Variants in GRID2 observed in about 807,000 individuals in gnomAD.
GRID2 encodes glutamate receptor ionotropic, delta-2.
Under a neutral mutation model 114.8 loss-of-function variants are expected in GRID2, and 33 were observed. The observed-to-expected ratio is 0.29, with a 90% CI of 0.22 to 0.38. The LOEUF (loss-of-function observed/expected upper bound fraction) is 0.38. Among genes scored for constraint, GRID2 ranks in the 10% least tolerant of loss-of-function variants. The probability of loss-of-function intolerance (pLI) is 1.00; values close to 1 mark genes in which losing one functional copy is unlikely to be tolerated. For synonymous variants in GRID2, 505 were observed against 449.9 expected (o/e 1.12, Z -1.55); for missense variants, 1,184 against 1,257.7 (o/e 0.94, Z 0.89).
intron 2 of GRID2, among the ~76,000 whole-genome samples, chr4:92,592,232 A>T (rs538231302): frequency 6.6e-6 from 1 of 152,164 alleles, no homozygotes; most frequent in East Asian, 1.9e-4. Context: ...GTGAGGACTG[A>T]TTTCTTTCTT....
Position 92,510,006 on chromosome 4 carries a change from A to T in GRID2, c.89-80125A>T, listed in dbSNP as rs148533161. On this transcript the variant is annotated intron_variant, in intron 1 of 15. Transcript: ENST00000282020. ...CAGCAGGCTAATGTCATATTCTGAC[A>T]TATACTTTCACAGAATTCCTCTGGA... Among the ~76,000 whole-genome samples the T allele has an allele frequency of 1.8e-3, 268 of 152,076 alleles. 1 individual carries two copies. The highest frequency in any genetic ancestry group is 2.0e-3 in the Non-Finnish European group (134 of 67,934).
chr4:93,229,973 T>A (rs1745927950), intron 7 of GRID2, among the ~76,000 whole-genome samples: 1 of 152,126 alleles, frequency 6.6e-6, no homozygotes, highest in African/African-American at 2.4e-5. Context: ...TACGTGGATG[T>A]TGTATGATAT....
At chr4:93,022,395 A>G (rs1723457742) in intron 2 of GRID2, among the ~76,000 whole-genome samples, 1 of 151,930 alleles carries the variant, frequency 6.6e-6, no homozygotes, top group Non-Finnish European at 1.5e-5. Flanking sequence ...CGTTGTGTGG[A>G]ATACTGTAAT....
intron 2 of GRID2, among the ~76,000 whole-genome samples, chr4:93,009,750 T>A (rs572408342): frequency 6.6e-6 from 1 of 152,230 alleles, no homozygotes; most frequent in East Asian, 1.9e-4. Context: ...TATTTCCAAG[T>A]ATTTCTGGAA....
At chr4:92,943,458 G>A (rs896277191) in intron 2 of GRID2, among the ~76,000 whole-genome samples, 31 of 152,140 alleles carry the variant, frequency 2.0e-4, no homozygotes, top group Admixed American at 2.0e-3. Context: ...CTCTGCATTG[G>A]TTATTTTATT....
intron 3 of GRID2, among the ~76,000 whole-genome samples, chr4:93,092,405 A>G (rs1035719309): frequency 1.3e-5 from 2 of 152,042 alleles, no homozygotes; most frequent in Non-Finnish European, 2.9e-5. Context: ...TCAGAGGCCA[A>G]AATAGTCAAT....
At chr4:92,824,295 A>G (rs1308796067) in intron 2 of GRID2, among the ~76,000 whole-genome samples, 2 of 152,138 alleles carry the variant, frequency 1.3e-5, no homozygotes, top group Non-Finnish European at 2.9e-5. Context: ...TTTGAAAAAT[A>G]TATGATCTTT....
intron 1 of GRID2, among the ~76,000 whole-genome samples, chr4:92,509,562 A>T (rs977068995): frequency 6.6e-6 from 1 of 151,958 alleles, no homozygotes; most frequent in Non-Finnish European, 1.5e-5. Context: ...GATGATTTCT[A>T]TGATATAAAA....
chr4:93,472,380 A>G (rs1052389526), intron 11 of GRID2, among the ~76,000 whole-genome samples: 9 of 152,138 alleles, frequency 5.9e-5, no homozygotes, highest in Admixed American at 1.3e-4. Context: ...ACTTTTAACC[A>G]TAATTAAAGA....
intron 2 of GRID2, among the ~76,000 whole-genome samples, chr4:93,074,987 C>T (rs371291846): frequency 6.6e-6 from 1 of 152,194 alleles, no homozygotes; most frequent in Non-Finnish European, 1.5e-5. Context: ...TCTCTCACTA[C>T]TGAAACTCCG....
At chr4:92,724,778 A>G (rs928420923) in intron 2 of GRID2, among the ~76,000 whole-genome samples, 3 of 152,172 alleles carry the variant, frequency 2.0e-5, no homozygotes, top group African/African-American at 7.2e-5. Flanking sequence ...ACTAATATGC[A>G]CGAAGTATTT....
chr4:93,002,729 A>G (rs774219400), intron 2 of GRID2, among the ~76,000 whole-genome samples: 25 of 151,780 alleles, frequency 1.6e-4, no homozygotes, highest in Admixed American at 7.2e-4. Context: ...TGATTAGACT[A>G]TTTCCTATGA....
chr4:93,015,284 G>T (rs893768852), intron 2 of GRID2, among the ~76,000 whole-genome samples: 4 of 152,260 alleles, frequency 2.6e-5, no homozygotes, highest in African/African-American at 7.2e-5. Context: ...AAATGGAAAT[G>T]AGAGAGACAA....
At chr4:92,752,521 A>G (rs1428915529) in intron 2 of GRID2, among the ~76,000 whole-genome samples, 1 of 152,202 alleles carries the variant, frequency 6.6e-6, no homozygotes, top group Non-Finnish European at 1.5e-5. Flanking sequence ...TGTAGTGTTT[A>G]AAATGTTCAT....
chr4:93,731,835 C>G (rs1399890627), intron 14 of GRID2, among the ~76,000 whole-genome samples: 2 of 152,146 alleles, frequency 1.3e-5, no homozygotes, highest in Non-Finnish European at 2.9e-5. Context: ...CCCCAGAAAG[C>G]CTGGGCCTTG....
At chr4:92,851,762 G>C (rs971430589) in intron 2 of GRID2, among the ~76,000 whole-genome samples, 1 of 151,872 alleles carries the variant, frequency 6.6e-6, no homozygotes, top group East Asian at 1.9e-4. Flanking sequence ...GGTCATAGGA[G>C]TACATAATAT....
chr4:93,664,368 A>G (rs1723769263), intron 14 of GRID2, among the ~76,000 whole-genome samples: 1 of 152,224 alleles, frequency 6.6e-6, no homozygotes, highest in Non-Finnish European at 1.5e-5. Flanking sequence ...GTTTAAAAGG[A>G]TCACAGCAGA....
chr4:92,861,209 C>A (rs1009477154), intron 2 of GRID2, among the ~76,000 whole-genome samples: 1 of 151,992 alleles, frequency 6.6e-6, no homozygotes. Context: ...AAAAGAATAA[C>A]CATTTATCAG....
At chr4:93,130,195 T>C (rs1488352143) in intron 4 of GRID2, among the ~76,000 whole-genome samples, 1 of 152,176 alleles carries the variant, frequency 6.6e-6, no homozygotes, top group Non-Finnish European at 1.5e-5. Context: ...ATCCCACCAC[T>C]TTGGGAGGCT....
Sources: gnomAD v4.1 joint callset for allele counts (sites outside exome capture counted in the v4.1 genomes callset) on GRCh38, gnomAD v4.1.1 for gene constraint, MANE v1.5 for transcripts, NCBI Gene and HGNC (gene_info 2026-07-23, HGNC 2026-07-21) for gene names.